Variants in KLF15 observed in about 807,000 individuals in gnomAD.
KLF15 encodes the protein KLF transcription factor 15.
A neutral mutation model predicts 24.6 loss-of-function variants in KLF15; 4 were observed. The observed-to-expected ratio is 0.16, with a 90% CI of 0.08 to 0.37. The LOEUF is 0.37. Ranked by LOEUF, KLF15 falls within the 10% of genes least tolerant of loss-of-function variation. The pLI is 1.00. For synonymous variants in KLF15, 246 were observed against 236.3 expected, an observed-to-expected ratio of 1.04 and a Z score of -0.37; for missense variants, 496 against 560.6, an observed-to-expected ratio of 0.88 and a Z score of 1.16.
intron 2 of KLF15, among the ~76,000 whole-genome samples, chr3:126,345,364 A>C (rs2082526586): frequency 6.6e-6 from 1 of 152,056 alleles, no homozygotes; most frequent in Non-Finnish European, 1.5e-5. Flanking sequence ...TGACCAGCCC[A>C]ATGCCTGGTA....
At chr3:126,355,414 T>C (rs1333802958) in intron 1 of KLF15, among the ~76,000 whole-genome samples, 1 of 152,192 alleles carries the variant, frequency 6.6e-6, no homozygotes, top group Non-Finnish European at 1.5e-5. Flanking sequence ...CTAGTCCAGG[T>C]GTGCTCACTT....
the KLF15 span, among the ~76,000 whole-genome samples, chr3:126,291,653 T>C: frequency 1.3e-5 from 2 of 152,256 alleles, no homozygotes; most frequent in Non-Finnish European, 2.9e-5. Context: ...CCTTTGCCAT[T>C]GATGTGTGCT....
chr3:126,351,737 C>A lies in KLF15; in HGVS notation c.1082+104G>T. On this transcript the variant is annotated intron_variant, in intron 2 of 2. Transcript: ENST00000296233. ...CCGCCTGCCCCTCCCTCCCCTCCCT[C>A]ATCTACCTTCTGTTAATGGTGGAAA... 4.8e-6 allele frequency: 5 copies of A among 1,047,086 alleles called. No individual in the cohort carries two copies. The East Asian group carries it at 8.5e-5, about 18-fold the overall frequency. The allele number at this position is 1,047,086 out of a possible 1,614,324, so 64.9% of individuals were successfully genotyped here.
At chr3:126,344,169 T>C (rs2082511491) in intron 2 of KLF15, among the ~76,000 whole-genome samples, 2 of 152,100 alleles carry the variant, frequency 1.3e-5, no homozygotes, top group Admixed American at 1.3e-4. Flanking sequence ...GCTCAATCAA[T>C]CCTCCTTAGC....
chr3:126,321,466 G>A, the KLF15 span, among the ~76,000 whole-genome samples: 3 of 152,230 alleles, frequency 2.0e-5, no homozygotes, highest in East Asian at 1.9e-4. Flanking sequence ...CTGAGTGCCT[G>A]GTTCCATCTG....
the KLF15 span, among the ~76,000 whole-genome samples, chr3:126,326,531 C>T: frequency 6.6e-6 from 1 of 152,202 alleles, no homozygotes; most frequent in Non-Finnish European, 1.5e-5. Flanking sequence ...TATGATGATA[C>T]AGGTTGTAGC....
At chr3:126,309,344 C>T in the KLF15 span, among the ~76,000 whole-genome samples, 1 of 152,182 alleles carries the variant, frequency 6.6e-6, no homozygotes, top group African/African-American at 2.4e-5. Flanking sequence ...ATGCGTGCAT[C>T]CTGGAGCTGA....
chr3:126,304,925 G>A, the KLF15 span, among the ~76,000 whole-genome samples: 1 of 152,228 alleles, frequency 6.6e-6, no homozygotes, highest in African/African-American at 2.4e-5. Flanking sequence ...CATATCAAAT[G>A]TTAGTTGGGC....
chr3:126,343,870 G>T lies in KLF15; in HGVS notation c.1108C>A (p.Arg370=), dbSNP rs554233208. 1 of 1,597,934 alleles carries T rather than the reference G, an allele frequency of 6.3e-7. No homozygotes were observed. The highest frequency in any genetic ancestry group is 2.3e-5 in the East Asian group (1 of 44,396). ...WRFSRSDELS[R]HRRSHSGVKP... The stretch of plus-strand genomic sequence containing the variant: ...ACACCTGAGTGCGAGCGCCTGTGCC[G>T]CGACAGCTCGTCAGAGCGCGAGAAC... The change falls in exon 3 of 3, where the codon CGG becomes AGG. Residue 370 remains arginine, a synonymous_variant. Transcript: ENST00000296233.
chr3:126,289,096 G>C, the KLF15 span, among the ~76,000 whole-genome samples: 3 of 152,174 alleles, frequency 2.0e-5, no homozygotes, highest in Non-Finnish European at 4.4e-5. Context: ...AAAGATGGAA[G>C]GTCAACAGAG....
chr3:126,347,271 A>T (rs1238898957), intron 2 of KLF15, among the ~76,000 whole-genome samples: 1 of 152,216 alleles, frequency 6.6e-6, no homozygotes, highest in East Asian at 1.9e-4. Flanking sequence ...TGCAATGGAA[A>T]TGGTGCTCCC....
chr3:126,339,585 G>GGCCC (rs1220169731), downstream of KLF15, among the ~76,000 whole-genome samples: 1 of 152,098 alleles, frequency 6.6e-6, no homozygotes, highest in Non-Finnish European at 1.5e-5. Flanking sequence ...ACTCAGACAT[G>GGCCC]GCCCCCACTC....
chr3:126,293,014 A>G, the KLF15 span, among the ~76,000 whole-genome samples: 2 of 152,112 alleles, frequency 1.3e-5, no homozygotes, highest in Non-Finnish European at 2.9e-5. Context: ...ACAGAGAATC[A>G]AAGATGATGT....
chr3:126,304,629 C>T, the KLF15 span, among the ~76,000 whole-genome samples: 9 of 152,324 alleles, frequency 5.9e-5, no homozygotes, highest in Non-Finnish European at 1.0e-4. Flanking sequence ...TTCCCTCATT[C>T]GATTTCATCA....
At chr3:126,320,121 A>C in the KLF15 span, among the ~76,000 whole-genome samples, 32 of 152,176 alleles carry the variant, frequency 2.1e-4, no homozygotes, top group African/African-American at 7.5e-4. Flanking sequence ...AAATGGGTGA[A>C]GCAAGTAAGG....
At chr3:126,297,638 AT>A in the KLF15 span, among the ~76,000 whole-genome samples, 1 of 152,146 alleles carries the variant, frequency 6.6e-6, no homozygotes, top group Non-Finnish European at 1.5e-5. Flanking sequence ...CCATCGTATT[AT>A]TCTTATGCCT....
Position 126,352,728 on chromosome 3 carries a change from A to G in KLF15, c.195T>C (p.Gly65=). ...PDSQALCSCY[G]GGLGTESQDS... ...CCTGGCTCTCGGTGCCCAGGCCTCC[A>G]CCATAGCAGGAGCAGAGGGCTTGAG... Residue 65 remains glycine, a synonymous_variant, in exon 2 of 3, where the codon GGT becomes GGC. Coordinates refer to ENST00000296233, the MANE Select transcript of KLF15 (RefSeq NM_014079.4). 6.3e-7 allele frequency: 1 copy of G among 1,575,038 alleles called. No homozygotes were observed. Among genetic ancestry groups the G allele is most frequent in the Non-Finnish European group, 8.6e-7 (1 of 1,160,074 alleles).
chr3:126,353,257 A>G (rs961851828), intron 1 of KLF15, among the ~76,000 whole-genome samples: 5 of 152,236 alleles, frequency 3.3e-5, no homozygotes, highest in Non-Finnish European at 7.3e-5. Flanking sequence ...TGAGTATGAG[A>G]GAAGGGCATG....
chr3:126,341,105 CTGCACTG>C (rs1467390797), downstream of KLF15, among the ~76,000 whole-genome samples: 4 of 152,202 alleles, frequency 2.6e-5, no homozygotes, highest in Non-Finnish European at 4.4e-5. Context: ...TCCCTGTTCC[CTGCACTG>C]TGCTGTACTC....
Sources: allele counts gnomAD v4.1 joint callset (sites outside exome capture counted in the v4.1 genomes callset), GRCh38; gene constraint gnomAD v4.1.1; transcripts MANE v1.5; gene names NCBI Gene and HGNC (gene_info 2026-07-23, HGNC 2026-07-21).